The following STEAP3 variants were observed in gnomAD, a reference collection of about 807,000 sequenced individuals.
STEAP3 encodes STEAP3 metalloreductase.
Under a neutral mutation model 34.9 loss-of-function variants are expected in STEAP3, and 35 were observed. That is an observed-to-expected ratio of 1.00 (90% CI 0.76 to 1.33). STEAP3 has a LOEUF of 1.33. STEAP3 is among the 40% of genes most tolerant of loss of function. STEAP3 has a pLI of 0.00. For synonymous variants in STEAP3, 281 were observed against 301.6 expected (o/e 0.93, Z 0.71); for missense variants, 652 against 667.6 (o/e 0.98, Z 0.26).
chr2:119,252,755 C>T, intron 4 of STEAP3, among the ~76,000 whole-genome samples: 1 of 152,180 alleles, frequency 6.6e-6, no homozygotes, highest in Non-Finnish European at 1.5e-5. Flanking sequence ...CTAAGGCTGG[C>T]TTAGGTTCTG....
At chr2:119,229,557 T>G (rs952627673) in intron 1 of STEAP3, among the ~76,000 whole-genome samples, 2 of 152,196 alleles carry the variant, frequency 1.3e-5, no homozygotes, top group Non-Finnish European at 2.9e-5. Flanking sequence ...GAAAGCAACC[T>G]ACCCAACGTC....
At chr2:119,256,663 G>C (rs751658505) in intron 5 of STEAP3, among the ~76,000 whole-genome samples, 46 of 152,196 alleles carry the variant, frequency 3.0e-4, no homozygotes, top group Admixed American at 7.8e-4. Flanking sequence ...AGCAGGGGGG[G>C]TTAGGTGGGT....
chr2:119,261,943 G>T (rs552001963), intron 5 of STEAP3, among the ~76,000 whole-genome samples: 5 of 152,300 alleles, frequency 3.3e-5, no homozygotes, highest in African/African-American at 1.2e-4. Context: ...AGTTGGGATG[G>T]TCTCTTCTCC....
intron 2 of STEAP3, among the ~76,000 whole-genome samples, chr2:119,237,785 C>T (rs915000262): frequency 4.8e-4 from 73 of 152,344 alleles, no homozygotes; most frequent in African/African-American, 1.7e-3. Flanking sequence ...ACGCAATTCA[C>T]CCATTCAAAT....
intron 1 of STEAP3, among the ~76,000 whole-genome samples, chr2:119,225,786 G>T (rs530089583): frequency 1.3e-5 from 2 of 152,216 alleles, no homozygotes; most frequent in Non-Finnish European, 2.9e-5. Flanking sequence ...TCCTTACCCC[G>T]TAACATGAAG....
At position 119,245,804 on chromosome 2, in the gene STEAP3, G is replaced by A; in HGVS notation, c.338G>A (p.Ser113Asn). 1.9e-6 allele frequency: 3 copies of A among 1,614,224 alleles called. No individual in the cohort carries two copies. The highest frequency in any genetic ancestry group is 2.5e-6 in the Non-Finnish European group (3 of 1,180,052). ...CACTACTCTTCACTGTGCAGTCTCA[G>A]TGACCAGCTGGCGGGCAAGATCCTG... Reference protein sequence around the residue: ...REHYSSLCSLSDQLAGKILVD... With the variant: ...REHYSSLCSLNDQLAGKILVD... The change falls in exon 3 of 6, where the codon AGT becomes AAT. Residue 113 changes from serine to asparagine, a missense_variant. By Grantham distance (46) the Ser-to-Asn change is conservative. Coordinates refer to ENST00000393110, the MANE Select transcript of STEAP3 (RefSeq NM_182915.3).
In STEAP3 at chr2:119,245,774, G is replaced by A. The variant is rs550764910; in HGVS notation, c.308G>A (p.Arg103Gln). ...GAGGTCATCTTTGTGGCTGTGTTCC[G>A]GGAGCACTACTCTTCACTGTGCAGT... ...SPEVIFVAVFREHYSSLCSLS... is the reference protein window; with the variant it reads ...SPEVIFVAVFQEHYSSLCSLS... The change falls in exon 3 of 6, where the codon CGG (arginine) becomes CAG (glutamine). Residue 103 changes from arginine to glutamine, a missense_variant. By Grantham distance (43) the Arg-to-Gln change is conservative. Transcript: ENST00000393110. 3.8e-5 allele frequency: 62 copies of A among 1,614,170 alleles called. No homozygotes were observed. Among genetic ancestry groups the A allele is most frequent in the South Asian group, 2.5e-4 (23 of 91,082 alleles).
Position 119,234,298 on chromosome 2 carries a change from G to C in STEAP3, c.22+3264G>C, listed in dbSNP as rs553677443. ...CAGCCCACAAGACCCACCAGTCCCA[G>C]GGTTTGTGCAGCTCCAGGTCTCCCT... On this transcript the variant is annotated intron_variant, in intron 2 of 5. Coordinates refer to ENST00000393110, the MANE Select transcript of STEAP3 (RefSeq NM_182915.3). Among the ~76,000 whole-genome samples the C allele has an allele frequency of 1.7e-3, 261 of 152,326 alleles. 2 individuals carry two copies. The highest frequency in any genetic ancestry group is 6.0e-3 in the African/African-American group (250 of 41,566).
chr2:119,235,825 G>A (rs1348525661), intron 2 of STEAP3, among the ~76,000 whole-genome samples: 1 of 152,164 alleles, frequency 6.6e-6, no homozygotes, highest in Non-Finnish European at 1.5e-5. Flanking sequence ...GACCCCAGTG[G>A]CATGACTGTC....
intron 2 of STEAP3, among the ~76,000 whole-genome samples, chr2:119,232,704 G>A (rs1222916674): frequency 6.6e-6 from 1 of 152,210 alleles, no homozygotes; most frequent in African/African-American, 2.4e-5. Flanking sequence ...ACCTGACTGG[G>A]AGATGTAGAT....
intron 1 of STEAP3, among the ~76,000 whole-genome samples, chr2:119,230,383 T>C (rs186700758): frequency 2.6e-5 from 4 of 152,186 alleles, no homozygotes; most frequent in African/African-American, 9.6e-5. Context: ...CTGTCCGTCT[T>C]TCTCCCCACT....
chr2:119,231,455 T>C (rs550693611), intron 2 of STEAP3, among the ~76,000 whole-genome samples: 17 of 152,156 alleles, frequency 1.1e-4, no homozygotes, highest in Non-Finnish European at 2.2e-4. Flanking sequence ...ATTTTTCTTA[T>C]TGGTAACCAT....
chr2:119,228,648 G>T (rs770808932), intron 1 of STEAP3, among the ~76,000 whole-genome samples: 54 of 152,266 alleles, frequency 3.5e-4, no homozygotes, highest in Non-Finnish European at 6.5e-4. Context: ...GGAGGGGCAG[G>T]CATCTGGGAA....
chr2:119,229,042 C>T (rs917267752), intron 1 of STEAP3, among the ~76,000 whole-genome samples: 2 of 152,114 alleles, frequency 1.3e-5, no homozygotes, highest in African/African-American at 4.8e-5. Context: ...GAGTCCTATC[C>T]ACCCCACACC....
In STEAP3 at chr2:119,248,245, C is replaced by T. The variant is rs147354805; in HGVS notation, c.1050+39C>T. 2,484 of 1,531,546 alleles carry T rather than the reference C, an allele frequency of 1.6e-3. 43 individuals carry two copies. The African/African-American group carries it at 0.03, about 19-fold the overall frequency. 94.9% of individuals were successfully genotyped at this position (1,531,546 alleles called of 1,614,324 possible). A position where few individuals can be genotyped will look rare whatever the true frequency, so the allele number is the denominator to read the frequency against. On this transcript the variant is annotated intron_variant, in intron 4 of 5. Transcript: ENST00000393110. ...GCCCTTCCTCCCTCTGGCAACTCAG[C>T]ACATGCTTGTCCAGCACCTCCCCCC...
At chr2:119,247,072 C>T (rs754900149) in intron 3 of STEAP3, among the ~76,000 whole-genome samples, 5 of 152,232 alleles carry the variant, frequency 3.3e-5, no homozygotes, top group Middle Eastern at 3.4e-3. Context: ...ACAAGGCCCA[C>T]GGGGTGCTTG....
chr2:119,246,202 C>T (rs976833084), intron 3 of STEAP3: 19 of 672,456 alleles, frequency 2.8e-5, no homozygotes, highest in Non-Finnish European at 3.6e-5. Context: ...AACCCAGTTC[C>T]TATGGATCTG....
In STEAP3 at chr2:119,245,985, G is replaced by A. The variant is rs1573559785; in HGVS notation, c.519G>A (p.Arg173=). ...TLQAGPRDGN[R]QVPICGDQPE... is the part of the protein sequence containing the mutation. Reference sequence around the variant, plus strand: ...AGGCTGGCCCAAGGGATGGTAACAGGCAGGTAGGTTCTGGGGGAATAATAC... The same window carrying A: ...AGGCTGGCCCAAGGGATGGTAACAGACAGGTAGGTTCTGGGGGAATAATAC... The change falls in exon 3 of 6, where the codon AGG becomes AGA. Residue 173 remains arginine (R), a synonymous_variant. Coordinates refer to ENST00000393110, the MANE Select transcript of STEAP3 (RefSeq NM_182915.3). The A allele has an allele frequency of 7.4e-6, 12 of 1,610,936 alleles. No individual in the cohort carries two copies. Among genetic ancestry groups the A allele is most frequent in the South Asian group, 1.1e-5 (1 of 91,048 alleles).
At position 119,245,652 on chromosome 2, in the gene STEAP3, CA is replaced by C; in HGVS notation, c.189del (p.Val64TrpfsTer21). 6.2e-7 allele frequency: 1 copy of C among 1,612,094 alleles called. No individual in the cohort carries two copies. Among genetic ancestry groups the C allele is most frequent in the Non-Finnish European group, 8.5e-7 (1 of 1,178,330 alleles). The stretch of plus-strand genomic sequence containing the variant: ...CCACACGCCTGGTGGGCTCTGGCTT[CA>C]AAGTGGTGGTGGGGAGCCGCAACCC... The part of the protein sequence containing the change: ...LATRLVGSGF[K>X]VVVGSRNPKR... On this transcript the variant is annotated frameshift_variant, in exon 3 of 6. Transcript: ENST00000393110. LOFTEE classifies it high-confidence loss of function.
Sources: gnomAD v4.1 joint callset for allele counts (sites outside exome capture counted in the v4.1 genomes callset) on GRCh38, gnomAD v4.1.1 for gene constraint, MANE v1.5 for transcripts, NCBI Gene and HGNC (gene_info 2026-07-23, HGNC 2026-07-21) for gene names.